UBAP2: variants seen among roughly 807,000 people sequenced by gnomAD.
UBAP2 encodes ubiquitin-associated protein 2.
Under a neutral mutation model 139.6 loss-of-function variants are expected in UBAP2, and 75 were observed. That is an observed-to-expected ratio of 0.54 (90% CI 0.45 to 0.65). The LOEUF is 0.65. UBAP2 is among the 30% of genes least tolerant of loss of function. UBAP2 has a pLI of 0.00. For synonymous variants in UBAP2, 526 were observed against 526.2 expected (o/e 1.00, Z 0.01); for missense variants, 1,368 against 1,369.6 (o/e 1.00, Z 0.02).
In UBAP2 at chr9:34,001,916, C is replaced by A. The variant is rs1456994254; in HGVS notation, c.100-3052G>T. Among the ~76,000 whole-genome samples the A allele has an allele frequency of 2.0e-5, 3 of 151,714 alleles. No individual in the cohort carries two copies. In the South Asian group the frequency reaches 6.2e-4, roughly 32 times the overall value. The stretch of plus-strand genomic sequence containing the variant: ...AAAAATTGAAAAATCCATAAAGTGA[C>A]CATCTAACACCAAAACTATTTATGT... On this transcript the variant is annotated intron_variant, in intron 2 of 28. Coordinates refer to ENST00000379238, the MANE Select transcript of UBAP2 (RefSeq NM_001370062.2).
intron 3 of UBAP2, chr9:33,997,551 T>C (rs776061375): frequency 2.0e-5 from 3 of 152,220 alleles, no homozygotes; most frequent in East Asian, 3.9e-4. Flanking sequence ...AAGTTCTGCA[T>C]ACTCTATAGC....
intron 1 of UBAP2, among the ~76,000 whole-genome samples, chr9:34,035,603 TGAACCTGGGAGGCA>T (rs1826295340): frequency 6.8e-6 from 1 of 146,426 alleles, no homozygotes. Context: ...AAGAATCACT[TGAACCTGGGAGGCA>T]GAAGTTGCAG....
At chr9:33,923,353 GTC>G in intron 25 of UBAP2, 24 bp downstream of exon 25, 2 of 1,613,954 alleles carry the variant, frequency 1.2e-6, no homozygotes, top group Non-Finnish European at 1.7e-6. Flanking sequence ...AACCCCATGT[GTC>G]TCTGTCTGGG....
chr9:34,018,609 A>G (rs1485327907), intron 1 of UBAP2, among the ~76,000 whole-genome samples: 1 of 152,212 alleles, frequency 6.6e-6, no homozygotes, highest in Non-Finnish European at 1.5e-5. Context: ...CACGCCTGTA[A>G]TCCCAGCACT....
chr9:33,937,131 CAA>C (rs201060540), intron 16 of UBAP2, among the ~76,000 whole-genome samples: 30 of 99,526 alleles, frequency 3.0e-4, no homozygotes, highest in Admixed American at 5.4e-4. Context: ...GGTGGTGATT[CAA>C]AAAAAAAAAA....
At chr9:34,022,416 G>A (rs1401092495) in intron 1 of UBAP2, among the ~76,000 whole-genome samples, 2 of 147,310 alleles carry the variant, frequency 1.4e-5, no homozygotes, top group East Asian at 3.9e-4. Flanking sequence ...TCCAGGCTAG[G>A]CAACACAGCA....
At chr9:34,006,581 TAGG>T (rs1483792667) in intron 2 of UBAP2, among the ~76,000 whole-genome samples, 2 of 151,472 alleles carry the variant, frequency 1.3e-5, no homozygotes, top group Non-Finnish European at 2.9e-5. Flanking sequence ...GAGGCTGAGG[TAGG>T]AGGATTATCT....
At position 33,922,233 on chromosome 9, in the gene UBAP2, C is replaced by T; in HGVS notation, c.*271G>A. On this transcript the variant is annotated 3_prime_UTR_variant, in exon 29 of 29. Coordinates refer to ENST00000379238, the MANE Select transcript of UBAP2 (RefSeq NM_001370062.2). ...AGATGGGGTGGGGGTGCTTATTTTG[C>T]TACAGTGGAGAAGGGGCTTGAATGG... 1 of 442,588 alleles carries T rather than the reference C, an allele frequency of 2.3e-6. No homozygotes were observed. The highest frequency in any genetic ancestry group is 2.4e-5 in the South Asian group (1 of 42,270). The allele number at this position is 442,588 out of a possible 1,614,324, so 27.4% of individuals were successfully genotyped here.
At position 33,923,307 on chromosome 9, in the gene UBAP2, GT is replaced by G. The variant is rs1234514666; in HGVS notation, c.2897-15del. 2 of 1,614,108 alleles carry G rather than the reference GT, an allele frequency of 1.2e-6. No individual in the cohort carries two copies. The highest frequency in any genetic ancestry group is 2.2e-5 in the South Asian group (2 of 91,080). On this transcript the variant is annotated splice_polypyrimidine_tract_variant and intron_variant, in intron 25 of 28. Transcript: ENST00000379238. ...GGTCGTCATAACCTAGCGTGGCAGG[GT>G]ACAAGAGGCAAGTGTGAGCCAGGCA... is the stretch of plus-strand genomic sequence containing the variant.
At chr9:34,031,738 T>G (rs558772801) in intron 1 of UBAP2, among the ~76,000 whole-genome samples, 2 of 147,256 alleles carry the variant, frequency 1.4e-5, no homozygotes, top group Non-Finnish European at 3.0e-5. Flanking sequence ...TGAGCTGAGA[T>G]CACACCACTG....
chr9:33,943,174 A>C (rs62555936), intron 15 of UBAP2, among the ~76,000 whole-genome samples: 29,169 of 152,198 alleles, frequency 0.19, 3,747 homozygotes, highest in East Asian at 0.59. Flanking sequence ...AAAAGGCCAC[A>C]TATTCCAAGA....
chr9:34,014,062 C>T (rs1824015910), intron 2 of UBAP2, among the ~76,000 whole-genome samples: 1 of 151,828 alleles, frequency 6.6e-6, no homozygotes, highest in African/African-American at 2.4e-5. Context: ...GTGGCTCACA[C>T]CTGTAATCCC....
At chr9:33,942,570 A>T (rs1202296320) in intron 15 of UBAP2, among the ~76,000 whole-genome samples, 1 of 151,816 alleles carries the variant, frequency 6.6e-6, no homozygotes, top group Non-Finnish European at 1.5e-5. Context: ...TCTACAAAAC[A>T]TATTTAAAAA....
intron 1 of UBAP2, among the ~76,000 whole-genome samples, chr9:34,027,446 G>C (rs1254699730): frequency 6.6e-6 from 1 of 152,080 alleles, no homozygotes; most frequent in Non-Finnish European, 1.5e-5. Context: ...GCCTGGCATA[G>C]TGGCTCATGC....
At chr9:34,026,557 G>A (rs1288764909) in intron 1 of UBAP2, among the ~76,000 whole-genome samples, 1 of 152,116 alleles carries the variant, frequency 6.6e-6, no homozygotes, top group Admixed American at 6.6e-5. Flanking sequence ...GCAAGGATGG[G>A]TCTCAGGTCC....
intron 8 of UBAP2, 25 bp from the exon 9 acceptor site, chr9:33,963,816 G>A (rs778259377): frequency 6.4e-7 from 1 of 1,554,382 alleles, no homozygotes; most frequent in South Asian, 1.1e-5. Context: ...AAAATTGAGG[G>A]TTTAAACATA....
At chr9:33,998,007 T>C (rs1284477868) in intron 3 of UBAP2, 2 of 152,156 alleles carry the variant, frequency 1.3e-5, no homozygotes, top group Non-Finnish European at 2.9e-5. Flanking sequence ...GAGTTAGAAA[T>C]TAAGACTAAG....
chr9:34,000,462 G>A (rs1046696110), intron 2 of UBAP2, among the ~76,000 whole-genome samples: 1 of 152,170 alleles, frequency 6.6e-6, no homozygotes, highest in African/African-American at 2.4e-5. Context: ...CGAAGGTACC[G>A]TAATTATTAC....
chr9:34,015,768 A>G (rs907139061), intron 2 of UBAP2, among the ~76,000 whole-genome samples: 3 of 152,016 alleles, frequency 2.0e-5, no homozygotes, highest in African/African-American at 4.8e-5. Flanking sequence ...GCATCATCAT[A>G]AGTGATCCTC....
Sources: allele counts gnomAD v4.1 joint callset (sites outside exome capture counted in the v4.1 genomes callset), GRCh38; gene constraint gnomAD v4.1.1; transcripts MANE v1.5; gene names NCBI Gene and HGNC (gene_info 2026-07-23, HGNC 2026-07-21).